The following MRC1 variants were observed in gnomAD, a reference collection of about 807,000 sequenced individuals.
MRC1 encodes the protein mannose receptor C-type 1.
In MRC1, 62 loss-of-function variants were observed where a neutral mutation model predicts 102.9. The observed-to-expected ratio is 0.60, with a 90% CI of 0.49 to 0.74. The LOEUF (loss-of-function observed/expected upper bound fraction) is 0.74. Ranked by LOEUF, MRC1 falls within the 30% of genes least tolerant of loss-of-function variation. The pLI is 0.00. For synonymous variants in MRC1, 457 were observed against 298.4 expected, an observed-to-expected ratio of 1.53 and a Z score of -5.48; for missense variants, 1,237 against 862.8, an observed-to-expected ratio of 1.43 and a Z score of -5.43.
chr10:17,861,514 T>C lies in MRC1; in HGVS notation c.1634+12T>C. 1 of 858,738 alleles carries C rather than the reference T, an allele frequency of 1.2e-6. No homozygotes were observed. The highest frequency in any genetic ancestry group is 2.0e-6 in the Non-Finnish European group (1 of 492,598). 53.2% of individuals were successfully genotyped at this position (858,738 alleles called of 1,614,324 possible). A position where few individuals can be genotyped will look rare whatever the true frequency, so the allele number is the denominator to read the frequency against. ...ACTATTGAAGACAGGTATGTAACTA[T>C]TTTAATTTCATTTTAAAATATGTCA... On this transcript the variant is annotated intron_variant, in intron 10 of 29. Transcript: ENST00000569591.
intron 9 of MRC1, among the ~76,000 whole-genome samples, chr10:17,860,883 G>A (rs1833174875): frequency 2.6e-5 from 4 of 152,206 alleles, no homozygotes. Flanking sequence ...GTCATAGGAG[G>A]AATGATGTAC....
At position 17,880,994 on chromosome 10, in the gene MRC1, G is replaced by A. The variant is rs1833506016; in HGVS notation, c.2866-73G>A. 3 of 773,648 alleles carry A rather than the reference G, an allele frequency of 3.9e-6. No individual in the cohort carries two copies. In the South Asian group the frequency reaches 4.1e-5, roughly 11 times the overall value. The allele number at this position is 773,648 out of a possible 1,614,324, so 47.9% of individuals were successfully genotyped here. A position where few individuals can be genotyped will look rare whatever the true frequency, so the allele number is the denominator to read the frequency against. On this transcript the variant is annotated intron_variant, in intron 20 of 29. Transcript: ENST00000569591. ...ATCTTCATGAATAATTTTGCTTTTTGTAGAGCAAAGTTGATCATCTTTAGT... is the reference window on the plus strand; with the variant it reads ...ATCTTCATGAATAATTTTGCTTTTTATAGAGCAAAGTTGATCATCTTTAGT...
intron 5 of MRC1, among the ~76,000 whole-genome samples, chr10:17,843,690 T>A (rs1056762785): frequency 4.2e-4 from 64 of 152,038 alleles, no homozygotes; most frequent in Middle Eastern, 3.2e-3. Context: ...GATAACTTAA[T>A]GCTTATTACT....
chr10:17,892,438 T>A (rs969492945), intron 22 of MRC1, among the ~76,000 whole-genome samples: 10 of 152,212 alleles, frequency 6.6e-5, no homozygotes, highest in Admixed American at 2.6e-4. Context: ...TTATTCCCTA[T>A]ATCCATCAGT....
chr10:17,839,267 C>T (rs182872287), intron 4 of MRC1, among the ~76,000 whole-genome samples: 2,349 of 152,236 alleles, frequency 0.015, 39 homozygotes, highest in South Asian at 0.084. Context: ...AATTTAGTTA[C>T]GCAGTCTCAA....
intron 3 of MRC1, among the ~76,000 whole-genome samples, chr10:17,832,035 A>G (rs35438628): frequency 0.15 from 22,454 of 151,484 alleles, 2,604 homozygotes; most frequent in African/African-American, 0.27. Flanking sequence ...CAATGAGAAA[A>G]CGAGACTTCA....
At chr10:17,835,378 T>C (rs1838647249) in intron 4 of MRC1, among the ~76,000 whole-genome samples, 1 of 152,232 alleles carries the variant, frequency 6.6e-6, no homozygotes, top group African/African-American at 2.4e-5. Context: ...GTGCCAGGCT[T>C]TGTGCTAGGT....
At chr10:17,904,985 T>C (rs1023820489) in intron 26 of MRC1, among the ~76,000 whole-genome samples, 8 of 152,374 alleles carry the variant, frequency 5.3e-5, no homozygotes, top group African/African-American at 1.9e-4. Context: ...TTGCCACTGA[T>C]AGTTTTTTAC....
At chr10:17,814,697 T>G (rs1157306181) in intron 1 of MRC1, among the ~76,000 whole-genome samples, 4 of 145,376 alleles carry the variant, frequency 2.8e-5, no homozygotes, top group Non-Finnish European at 6.0e-5. Context: ...TTTTTTTTTT[T>G]TTTTTTGAGA....
At chr10:17,878,420 A>G (rs1481587175) in intron 18 of MRC1, among the ~76,000 whole-genome samples, 2 of 152,208 alleles carry the variant, frequency 1.3e-5, no homozygotes, top group Non-Finnish European at 1.5e-5. Flanking sequence ...CAGGAAATAC[A>G]TTCCCTTTAA....
At position 17,840,756 on chromosome 10, in the gene MRC1, G is replaced by A; in HGVS notation, c.866G>A (p.Gly289Asp). The change falls in exon 5 of 30, where the codon GGT becomes GAT. Residue 289 changes from glycine (G) to aspartate (D), a missense_variant. Physicochemically the swap from Gly to Asp is moderately conservative, Grantham distance 94. Transcript: ENST00000569591. ...CTTAACAGTCTGAGCTTCAACAGCG[G>A]TTGGCAGTGGAGTGACCGCAGTCCT... ...IGLNSLSFNS[G>D]WQWSDRSPFR... The A allele has an allele frequency of 1.3e-6, 1 of 780,856 alleles. No individual in the cohort carries two copies. The highest frequency in any genetic ancestry group is 1.7e-5 in the African/African-American group (1 of 59,260). The allele number at this position is 780,856 out of a possible 1,614,324, so 48.4% of individuals were successfully genotyped here.
chr10:17,824,270 G>A (rs1055729623), intron 2 of MRC1, among the ~76,000 whole-genome samples: 2 of 152,314 alleles, frequency 1.3e-5, no homozygotes, highest in African/African-American at 4.8e-5. Context: ...CTGGTCTCTT[G>A]AGTCAGATGA....
chr10:17,897,047 G>T (rs1207340645), intron 23 of MRC1, among the ~76,000 whole-genome samples: 1 of 152,174 alleles, frequency 6.6e-6, no homozygotes, highest in Non-Finnish European at 1.5e-5. Flanking sequence ...AATGAATGTG[G>T]CTGTGTTCCA....
chr10:17,811,001 C>T (rs1408025240), intron 1 of MRC1, among the ~76,000 whole-genome samples: 1 of 152,152 alleles, frequency 6.6e-6, no homozygotes, highest in Middle Eastern at 3.2e-3. Context: ...CCATGTTGGC[C>T]AGGCTGGCCT....
intron 22 of MRC1, among the ~76,000 whole-genome samples, chr10:17,888,074 G>T (rs1833625364): frequency 6.6e-6 from 1 of 152,122 alleles, no homozygotes; most frequent in South Asian, 2.1e-4. Context: ...AAAGTGCTGG[G>T]ATTACAGGCG....
At chr10:17,849,293 C>T (rs1385800682) in intron 6 of MRC1, among the ~76,000 whole-genome samples, 1 of 116,106 alleles carries the variant, frequency 8.6e-6, no homozygotes, top group Non-Finnish European at 1.7e-5. Flanking sequence ...TAGAGGGAGA[C>T]CTTGTCTCTT....
intron 12 of MRC1, among the ~76,000 whole-genome samples, chr10:17,868,597 G>A (rs928648425): frequency 3.3e-5 from 5 of 152,300 alleles, no homozygotes; most frequent in Non-Finnish European, 4.4e-5. Context: ...TAATGATACT[G>A]TTTTCTAATA....
chr10:17,816,986 G>A (rs1838322047), intron 1 of MRC1, among the ~76,000 whole-genome samples: 1 of 152,104 alleles, frequency 6.6e-6, no homozygotes, highest in East Asian at 1.9e-4. Flanking sequence ...GGTGGCTCAT[G>A]CCTGTAATCC....
chr10:17,873,958 C>A, intron 16 of MRC1, 133 bp downstream of exon 16: 1 of 706,970 alleles, frequency 1.4e-6, no homozygotes, highest in South Asian at 1.6e-5. Context: ...GTGAGAACGT[C>A]ATGGAAATTT....
Sources: allele counts gnomAD v4.1 joint callset (sites outside exome capture counted in the v4.1 genomes callset), GRCh38; gene constraint gnomAD v4.1.1; transcripts MANE v1.5; gene names NCBI Gene and HGNC (gene_info 2026-07-23, HGNC 2026-07-21).